TBC1D15: variants seen among roughly 807,000 people sequenced by gnomAD.
TBC1D15 encodes the protein TBC1 domain family member 15.
A neutral mutation model predicts 95.4 loss-of-function variants in TBC1D15; 39 were observed. The ratio of observed to expected loss-of-function variants is 0.41; its 90% CI spans 0.32 to 0.53. The LOEUF (loss-of-function observed/expected upper bound fraction) is 0.53. TBC1D15 is among the 20% of genes least tolerant of loss of function. TBC1D15 has a pLI of 0.29. For missense variants in TBC1D15, 733 were observed against 794.3 expected (o/e 0.92, Z 0.93); for synonymous variants, 258 against 261.3 (o/e 0.99, Z 0.12).
In TBC1D15 at chr12:71,924,130, T is replaced by G. The variant is rs1439044871; in HGVS notation, c.*926T>G. ...ATAAAATACTCTTGCAAAAAGTTTA[T>G]TTGAAAAATTTCTAGATGGTCTCAT... is the stretch of plus-strand genomic sequence containing the variant. On this transcript the variant is annotated 3_prime_UTR_variant, in exon 17 of 17. Transcript: ENST00000485960. 1.3e-5 allele frequency: 2 copies of G among 152,596 alleles called. No individual in the cohort carries two copies. Among genetic ancestry groups the G allele is most frequent in the Non-Finnish European group, 2.9e-5 (2 of 68,026 alleles). 9.5% of individuals were successfully genotyped at this position (152,596 alleles called of 1,614,324 possible).
chr12:71,898,538 A>G (rs1898674930), intron 10 of TBC1D15, among the ~76,000 whole-genome samples: 2 of 152,170 alleles, frequency 1.3e-5, no homozygotes, highest in South Asian at 4.1e-4. Flanking sequence ...CATTAGTTGC[A>G]TTTCATAATC....
intron 1 of TBC1D15, among the ~76,000 whole-genome samples, chr12:71,868,530 G>A (rs1489481329): frequency 1.3e-5 from 2 of 152,144 alleles, no homozygotes; most frequent in African/African-American, 2.4e-5. Flanking sequence ...ACAGGTGTGA[G>A]CCACTGTGCC....
Position 71,894,906 on chromosome 12 carries a change from A to G in TBC1D15, c.855+23A>G, listed in dbSNP as rs80199231. 14,493 of 1,590,588 alleles carry G rather than the reference A, an allele frequency of 9.1e-3. 88 individuals are homozygous for G. Among genetic ancestry groups the G allele is most frequent in the Non-Finnish European group, 0.011 (12,784 of 1,164,764 alleles). ...AGAGTGAGTAAAGATTAGTATTAAT[A>G]TAGCTCTTATATTTTAACAGGAGAA... On this transcript the variant is annotated intron_variant, in intron 7 of 16. Transcript: ENST00000485960.
At chr12:71,914,192 A>G (rs2139021375) in intron 12 of TBC1D15, among the ~76,000 whole-genome samples, 1 of 152,094 alleles carries the variant, frequency 6.6e-6, no homozygotes, top group South Asian at 2.1e-4. Context: ...CTAAAGAGCC[A>G]TGTGTCATTA....
intron 11 of TBC1D15, among the ~76,000 whole-genome samples, chr12:71,910,862 A>G (rs1358214210): frequency 6.6e-6 from 1 of 152,162 alleles, no homozygotes; most frequent in Non-Finnish European, 1.5e-5. Context: ...GAAGGTTTTC[A>G]CAACCTACTC....
chr12:71,917,245 T>G (rs1195402388), intron 12 of TBC1D15, among the ~76,000 whole-genome samples: 1 of 152,210 alleles, frequency 6.6e-6, no homozygotes, highest in African/African-American at 2.4e-5. Context: ...AAAATGGTTT[T>G]GGCTTTACAG....
At chr12:71,913,630 A>G (rs144418530) in intron 11 of TBC1D15, 196 bp from the exon 12 acceptor site, 1 of 481,082 alleles carries the variant, frequency 2.1e-6, no homozygotes, top group African/African-American at 2.1e-5. Context: ...AATCTAAAAC[A>G]ACTCATCTTT....
In TBC1D15 at chr12:71,894,757, T is replaced by A; in HGVS notation, c.729T>A (p.Ser243Arg). 1 of 1,613,298 alleles carries A rather than the reference T, an allele frequency of 6.2e-7. No individual in the cohort carries two copies. Among genetic ancestry groups the A allele is most frequent in the Non-Finnish European group, 8.5e-7 (1 of 1,179,422 alleles). ...FSKVTNYIFDSLRGSDPSTHQ... is the reference protein window; with the variant it reads ...FSKVTNYIFDRLRGSDPSTHQ... ...AAGTCACAAACTACATTTTTGACAG[T>A]TTGAGAGGCAGCGATCCCTCTACAC... The change falls in exon 7 of 17, where the codon AGT (serine) becomes AGA (arginine). Residue 243 changes from serine to arginine, a missense_variant. Coordinates refer to ENST00000485960, the MANE Select transcript of TBC1D15 (RefSeq NM_001146213.3).
At chr12:71,886,804 A>G (rs6582064) in intron 5 of TBC1D15, among the ~76,000 whole-genome samples, 13,154 of 152,184 alleles carry the variant, frequency 0.086, 645 homozygotes, top group South Asian at 0.15. Context: ...CAGTATCATG[A>G]TTGGAATAGA....
chr12:71,868,240 CTTTTTT>C (rs771782876), intron 1 of TBC1D15, among the ~76,000 whole-genome samples: 1 of 132,380 alleles, frequency 7.6e-6, no homozygotes, highest in East Asian at 2.1e-4. Context: ...GCAGCTTTGA[CTTTTTT>C]TTTTTTTTTT....
chr12:71,868,752 T>C (rs1892036632), intron 1 of TBC1D15: 1 of 152,224 alleles, frequency 6.6e-6, no homozygotes, highest in African/African-American at 2.4e-5. Flanking sequence ...GTTAAAGTTC[T>C]AGAATCTCTT....
intron 4 of TBC1D15, 128 bp from the exon 5 acceptor site, chr12:71,884,683 A>G: frequency 7.1e-6 from 5 of 701,636 alleles, no homozygotes; most frequent in Admixed American, 2.8e-5. Flanking sequence ...GGTGGAAGCC[A>G]TAATAATATA....
At position 71,848,108 on chromosome 12, in the gene TBC1D15, TAAAA is replaced by T. The variant is rs569776950; in HGVS notation, c.30+8298_30+8301del. Among the ~76,000 whole-genome samples the T allele has an allele frequency of 3.3e-3, 504 of 152,248 alleles. 2 individuals carry two copies. Among genetic ancestry groups the T allele is most frequent in the African/African-American group, 0.012 (484 of 41,542 alleles). ...GCGAAACTCTGTCTCGAAAAAATAA[TAAAA>T]CAAACAAATAAATAAAATAAATTAA... On this transcript the variant is annotated intron_variant, in intron 1 of 16. Coordinates refer to ENST00000485960, the MANE Select transcript of TBC1D15 (RefSeq NM_001146213.3).
At chr12:71,897,763 A>G in intron 9 of TBC1D15, 84 bp from the exon 10 acceptor site, 1 of 948,786 alleles carries the variant, frequency 1.1e-6, no homozygotes, top group Non-Finnish European at 1.7e-6. Context: ...GCTTTGATAT[A>G]CTGTTTATAG....
intron 9 of TBC1D15, 46 bp downstream of exon 9, chr12:71,896,826 C>A: frequency 6.8e-7 from 1 of 1,466,848 alleles, no homozygotes; most frequent in Non-Finnish European, 9.5e-7. Context: ...TTCAAGTAAC[C>A]CACTCATACA....
intron 1 of TBC1D15, among the ~76,000 whole-genome samples, chr12:71,851,478 C>G (rs1349808258): frequency 2.0e-5 from 3 of 152,174 alleles, no homozygotes; most frequent in Non-Finnish European, 2.9e-5. Flanking sequence ...AGTCTTAACT[C>G]ATTTCCGGCA....
At chr12:71,875,275 A>G (rs1475008687) in intron 3 of TBC1D15, among the ~76,000 whole-genome samples, 2 of 152,208 alleles carry the variant, frequency 1.3e-5, no homozygotes, top group Non-Finnish European at 2.9e-5. Context: ...TTCTGGATAT[A>G]AATTTCTCAT....
Position 71,897,941 on chromosome 12 carries a change from G to A in TBC1D15, c.1183G>A (p.Glu395Lys), listed in dbSNP as rs1898544971. 2 of 1,609,642 alleles carry A rather than the reference G, an allele frequency of 1.2e-6. No homozygotes were observed. Among genetic ancestry groups the A allele is most frequent in the Admixed American group, 1.7e-5 (1 of 59,644 alleles). ...SRLRDYRSLI[E>K]KDVNRTDRTN... ...GTTAAGAGATTATAGAAGTCTTATCGGTAATTTTTTCTTAACAACTTTGGA... is the reference window on the plus strand; with the variant it reads ...GTTAAGAGATTATAGAAGTCTTATCAGTAATTTTTTCTTAACAACTTTGGA... The change falls in exon 10 of 17, where the codon GAA (glutamate) becomes AAA (lysine). Residue 395 changes from glutamate (E) to lysine (K), a missense_variant and splice_region_variant. Glu to Lys is a moderately conservative substitution (Grantham distance 56). Transcript: ENST00000485960.
At chr12:71,922,844 A>G in intron 16 of TBC1D15, 139 bp from the exon 17 acceptor site, 1 of 793,656 alleles carries the variant, frequency 1.3e-6, no homozygotes, top group Non-Finnish European at 2.0e-6. Flanking sequence ...AAATGTTGTG[A>G]GAAGGGTACA....
Sources: allele counts gnomAD v4.1 joint callset (sites outside exome capture counted in the v4.1 genomes callset), GRCh38; gene constraint gnomAD v4.1.1; transcripts MANE v1.5; gene names NCBI Gene and HGNC (gene_info 2026-07-23, HGNC 2026-07-21).